Variants in TMEM131 observed in about 807,000 individuals in gnomAD.
TMEM131 encodes 2610524E03Rik.
A neutral mutation model predicts 211.6 loss-of-function variants in TMEM131; 66 were observed. The ratio of observed to expected loss-of-function variants is 0.31; its 90% CI spans 0.26 to 0.38. TMEM131 has a LOEUF of 0.38. TMEM131 is among the 10% of genes least tolerant of loss of function. TMEM131 has a pLI of 1.00. For synonymous variants in TMEM131, 844 were observed against 841.3 expected (o/e 1.00, Z -0.06); for missense variants, 2,036 against 2,299.3 (o/e 0.89, Z 2.34).
intron 31 of TMEM131, among the ~76,000 whole-genome samples, chr2:97,777,938 C>T (rs867530697): frequency 1.8e-4 from 28 of 152,266 alleles, no homozygotes; most frequent in Middle Eastern, 6.8e-3. Context: ...AGGGGAGTGT[C>T]CTGCTTTGCT....
intron 1 of TMEM131, among the ~76,000 whole-genome samples, chr2:97,956,237 A>G (rs947216668): frequency 7.9e-5 from 12 of 152,226 alleles, no homozygotes; most frequent in African/African-American, 2.9e-4. Flanking sequence ...AAGTATGAAA[A>G]TAATCCACTG....
intron 1 of TMEM131, among the ~76,000 whole-genome samples, chr2:97,993,392 A>G (rs1350863939): frequency 1.3e-5 from 2 of 152,236 alleles, no homozygotes; most frequent in African/African-American, 4.8e-5. Flanking sequence ...TGCCAGACTC[A>G]CAGTGTCACA....
intron 31 of TMEM131, among the ~76,000 whole-genome samples, chr2:97,790,012 T>C (rs1680425847): frequency 6.6e-6 from 1 of 152,140 alleles, no homozygotes; most frequent in Admixed American, 6.5e-5. Context: ...CTGAGCAGCT[T>C]CCAAAAACCA....
At chr2:97,984,133 T>TA (rs1024210555) in intron 1 of TMEM131, among the ~76,000 whole-genome samples, 20 of 152,318 alleles carry the variant, frequency 1.3e-4, no homozygotes, top group Admixed American at 2.0e-4. Flanking sequence ...ATTACTAGAA[T>TA]TTCTATTCTA....
intron 1 of TMEM131, among the ~76,000 whole-genome samples, chr2:97,948,819 G>A (rs1422733506): frequency 1.3e-5 from 2 of 151,956 alleles, no homozygotes; most frequent in Admixed American, 6.6e-5. Context: ...CACCACGCCC[G>A]GCTAATTTTT....
intron 38 of TMEM131, 197 bp from the exon 39 acceptor site, chr2:97,759,946 G>C: frequency 1.8e-6 from 1 of 566,006 alleles, no homozygotes; most frequent in South Asian, 2.2e-5. Context: ...CAGAGCTCCG[G>C]ATGCCCTATC....
intron 2 of TMEM131, among the ~76,000 whole-genome samples, chr2:97,912,776 G>A (rs142296326): frequency 7.4e-4 from 112 of 152,132 alleles, no homozygotes; most frequent in African/African-American, 2.7e-3. Context: ...CTTCAACCTC[G>A]CTCCTCACTA....
intron 15 of TMEM131, among the ~76,000 whole-genome samples, chr2:97,812,953 CT>C (rs376313180): frequency 6.6e-6 from 1 of 151,862 alleles, no homozygotes; most frequent in African/African-American, 2.4e-5. Context: ...GATTGCACCA[CT>C]GCACTCCAGC....
At chr2:97,961,743 G>C (rs986573086) in intron 1 of TMEM131, among the ~76,000 whole-genome samples, 3 of 152,208 alleles carry the variant, frequency 2.0e-5, no homozygotes, top group Non-Finnish European at 2.9e-5. Context: ...ATGGTCAACT[G>C]AGTTTCAATA....
chr2:97,774,940 A>G (rs560698986), intron 32 of TMEM131, among the ~76,000 whole-genome samples: 1 of 152,314 alleles, frequency 6.6e-6, no homozygotes, highest in South Asian at 2.1e-4. Flanking sequence ...CTTGAAAGTA[A>G]GTTACATATA....
At chr2:97,843,255 G>C (rs1273929011) in intron 6 of TMEM131, among the ~76,000 whole-genome samples, 1 of 152,114 alleles carries the variant, frequency 6.6e-6, no homozygotes, top group African/African-American at 2.4e-5. Flanking sequence ...AAAACTTCAA[G>C]AATAACTGTA....
rs544548991 is a variant in TMEM131 at position 97,838,849 on chromosome 2, T to C, written c.724-1692A>G. Reference sequence around the variant, plus strand: ...ACTGATAAGCTATAGATTTTCTTTGTATATTATTACTTGCCTGCTGATTTG... The same window carrying C: ...ACTGATAAGCTATAGATTTTCTTTGCATATTATTACTTGCCTGCTGATTTG... On this transcript the variant is annotated intron_variant, in intron 7 of 40. Transcript: ENST00000186436. 5.3e-4 allele frequency among the ~76,000 whole-genome samples: 80 copies of C among 152,336 alleles called. 1 individual carries two copies. The highest frequency in any genetic ancestry group is 1.8e-3 in the African/African-American group (76 of 41,584).
In TMEM131 at chr2:97,995,779, T is replaced by G. The variant is rs1680485911; in HGVS notation, c.-117A>C. On this transcript the variant is annotated 5_prime_UTR_variant, in exon 1 of 41. Coordinates refer to ENST00000186436, the MANE Select transcript of TMEM131 (RefSeq NM_015348.2). ...CCGCGGCGCCGGGAGCGACAACGGT[T>G]GCGAGCCCGGGGCTCGATCTCCGAG... 9.2e-6 allele frequency: 7 copies of G among 756,810 alleles called. No homozygotes were observed. In the East Asian group the frequency reaches 4.1e-4, roughly 44 times the overall value. The allele number at this position is 756,810 out of a possible 1,614,324, so 46.9% of individuals were successfully genotyped here.
intron 24 of TMEM131, 51 bp downstream of exon 24, chr2:97,802,377 A>T: frequency 7.6e-7 from 1 of 1,309,934 alleles, no homozygotes. Flanking sequence ...TGAATAAAAT[A>T]CTAATTCAAT....
chr2:97,793,235 G>A, intron 30 of TMEM131, 160 bp downstream of exon 30: 5 of 743,154 alleles, frequency 6.7e-6, no homozygotes, highest in South Asian at 2.0e-5. Flanking sequence ...TCCAGCATGA[G>A]CTCTAAGTCA....
rs1055644525 is a variant in TMEM131 at position 97,758,884 on chromosome 2, A to G, written c.5367+9T>C. 2 of 1,604,912 alleles carry G rather than the reference A, an allele frequency of 1.2e-6. No individual in the cohort carries two copies. The highest frequency in any genetic ancestry group is 1.7e-6 in the Non-Finnish European group (2 of 1,175,496). ...GGTCCAGGCCCCAGCCCCAGCCCCA[A>G]GTACTCACTGTGGCTGTGTGGGTCG... is the stretch of plus-strand genomic sequence containing the variant. On this transcript the variant is annotated intron_variant, in intron 40 of 40. Coordinates refer to ENST00000186436, the MANE Select transcript of TMEM131 (RefSeq NM_015348.2).
intron 3 of TMEM131, among the ~76,000 whole-genome samples, chr2:97,899,323 T>TG (rs1393473454): frequency 6.6e-6 from 1 of 152,124 alleles, no homozygotes. Context: ...AGACTACTGA[T>TG]GAACAGGAGA....
intron 33 of TMEM131, 126 bp from the exon 34 acceptor site, chr2:97,766,728 T>G: frequency 1.8e-6 from 2 of 1,140,190 alleles, no homozygotes; most frequent in Non-Finnish European, 2.5e-6. Context: ...TCCTGGGGCG[T>G]TATCTACCCT....
rs1317330610 is a variant in TMEM131, at chr2:97,760,885, C to T, written c.4919G>A (p.Ser1640Asn). 1 of 1,614,016 alleles carries T rather than the reference C, an allele frequency of 6.2e-7. No individual in the cohort carries two copies. The highest frequency in any genetic ancestry group is 1.1e-5 in the South Asian group (1 of 91,084). The change falls in exon 37 of 41, where the codon AGC becomes AAC. Residue 1640 changes from serine to asparagine, a missense_variant. Physicochemically the swap from Ser to Asn is conservative, Grantham distance 46. This residue lies in a region of TMEM131 where 1,623 missense variants were observed against 1,805.9 expected (regional missense o/e 0.90). Transcript: ENST00000186436. ...SDPKIKQPNGSKHKLTKAASL... is the reference protein window; with the variant it reads ...SDPKIKQPNGNKHKLTKAASL... Reference sequence around the variant, plus strand: ...GGCTGCCTTTGTCAACTTGTGTTTGCTTCCATTTGGCTGTTTTATTTTAGG... The same window carrying T: ...GGCTGCCTTTGTCAACTTGTGTTTGTTTCCATTTGGCTGTTTTATTTTAGG...
Sources: allele counts gnomAD v4.1 joint callset (sites outside exome capture counted in the v4.1 genomes callset), GRCh38; gene constraint gnomAD v4.1.1; regional missense constraint gnomAD v4.1.1; transcripts MANE v1.5; gene names NCBI Gene and HGNC (gene_info 2026-07-23, HGNC 2026-07-21).